Variants in TBC1D30 observed in about 807,000 individuals in gnomAD.
The protein encoded by TBC1D30 is TBC1 domain family member 30.
TBC1D30 carries 31 observed loss-of-function variants against 63.2 expected under a neutral mutation model. The ratio of observed to expected loss-of-function variants is 0.49; its 90% CI spans 0.37 to 0.66. TBC1D30 has a LOEUF of 0.66. Ranked by LOEUF, TBC1D30 falls within the 30% of genes least tolerant of loss-of-function variation. The pLI is 0.00. For synonymous variants in TBC1D30, 307 were observed against 361.5 expected (o/e 0.85, Z 1.71); for missense variants, 810 against 953.6 (o/e 0.85, Z 1.98).
chr12:64,826,796 A>G (rs1376163544), intron 1 of TBC1D30, among the ~76,000 whole-genome samples: 1 of 152,170 alleles, frequency 6.6e-6, no homozygotes, highest in Non-Finnish European at 1.5e-5. Flanking sequence ...TTGGAAACCT[A>G]GGACCCAACT....
At chr12:64,799,322 G>A (rs1254168833) in intron 2 of TBC1D30, among the ~76,000 whole-genome samples, 1 of 152,088 alleles carries the variant, frequency 6.6e-6, no homozygotes, top group African/African-American at 2.4e-5. Context: ...TGGGAATGAT[G>A]GTACTTTCAC....
At chr12:64,798,376 A>G (rs951466977) in intron 2 of TBC1D30, among the ~76,000 whole-genome samples, 1 of 152,204 alleles carries the variant, frequency 6.6e-6, no homozygotes, top group African/African-American at 2.4e-5. Context: ...TTCCAATATA[A>G]TCAGCTAACA....
chr12:64,879,486 C>T lies in TBC1D30; in HGVS notation c.*3698C>T, dbSNP rs1005204304. 6.6e-6 allele frequency: 1 copy of T among 152,158 alleles called. No individual in the cohort carries two copies. Among genetic ancestry groups the T allele is most frequent in the African/African-American group, 2.4e-5 (1 of 41,428 alleles). 9.4% of individuals were successfully genotyped at this position (152,158 alleles called of 1,614,324 possible). On this transcript the variant is annotated 3_prime_UTR_variant, in exon 12 of 12. Transcript: ENST00000539867. ...TAAGATACATATATCTCCAAATTGC[C>T]ATTCTTAAAGGTTGGAGTTATACAA...
intron 1 of TBC1D30, among the ~76,000 whole-genome samples, chr12:64,772,679 C>T (rs746249287): frequency 2.0e-5 from 3 of 152,072 alleles, no homozygotes; most frequent in Admixed American, 6.5e-5. Flanking sequence ...CCACCTGCCT[C>T]GGCCTCCTAA....
chr12:64,840,420 T>C (rs949919050), intron 7 of TBC1D30, among the ~76,000 whole-genome samples: 1 of 152,246 alleles, frequency 6.6e-6, no homozygotes, highest in Non-Finnish European at 1.5e-5. Flanking sequence ...ATCCTGGTTT[T>C]ACTCCTCTCT....
In TBC1D30 at chr12:64,832,181, G is replaced by A. The variant is rs1206437532; in HGVS notation, c.471G>A (p.Val157=). 1 of 1,536,162 alleles carries A rather than the reference G, an allele frequency of 6.5e-7. No individual in the cohort carries two copies. The highest frequency in any genetic ancestry group is 1.2e-5 in the South Asian group (1 of 84,066). Residue 157 remains valine, a synonymous_variant, in exon 5 of 12, where the codon GTG becomes GTA. Coordinates refer to ENST00000539867, the MANE Select transcript of TBC1D30 (RefSeq NM_015279.2). ...AGGAGGCTGAGCAGGACAGGGTTGT[G>A]TTGAAGCGGGTGCTGCTGGCCTATG... ...CGQEAEQDRV[V]LKRVLLAYAR... is the part of the protein sequence containing the mutation.
chr12:64,788,466 G>C (rs1486181606), intron 2 of TBC1D30, among the ~76,000 whole-genome samples: 1 of 152,166 alleles, frequency 6.6e-6, no homozygotes, highest in Non-Finnish European at 1.5e-5. Context: ...GAAAGTATAA[G>C]GGAGGGTGGA....
chr12:64,877,442 T>A lies in TBC1D30; in HGVS notation c.*1654T>A, dbSNP rs1210925868. ...TAGAGAATGTGGTTGTGTGGGCTTT[T>A]TTTGAACAGAAAACACAACAATGAC... On this transcript the variant is annotated 3_prime_UTR_variant, in exon 12 of 12. Coordinates refer to ENST00000539867, the MANE Select transcript of TBC1D30 (RefSeq NM_015279.2). 1 of 152,660 alleles carries A rather than the reference T, an allele frequency of 6.6e-6. No homozygotes were observed. Among genetic ancestry groups the A allele is most frequent in the Non-Finnish European group, 1.5e-5 (1 of 68,374 alleles). The allele number at this position is 152,660 out of a possible 1,614,324, so 9.5% of individuals were successfully genotyped here.
Position 64,878,795 on chromosome 12 carries a change from CA to C in TBC1D30, c.*3008del, listed in dbSNP as rs982435811. 4.3e-5 allele frequency: 12 copies of C among 279,294 alleles called. No individual in the cohort carries two copies. In the Admixed American group the frequency reaches 4.9e-4, roughly 12 times the overall value. 17.3% of individuals were successfully genotyped at this position (279,294 alleles called of 1,614,324 possible). A position where few individuals can be genotyped will look rare whatever the true frequency, so the allele number is the denominator to read the frequency against. ...CTCCCCCAGTCTAATCGCTGGGTTG[CA>C]GGGTGGCCTGTGACCTGCCCAGCAT... On this transcript the variant is annotated 3_prime_UTR_variant, in exon 12 of 12. Coordinates refer to ENST00000539867, the MANE Select transcript of TBC1D30 (RefSeq NM_015279.2).
rs774426151 is a variant in TBC1D30 at position 64,825,010 on chromosome 12, G to A, written c.131G>A (p.Arg44Gln). 27 of 1,533,634 alleles carry A rather than the reference G, an allele frequency of 1.8e-5. No individual in the cohort carries two copies. The highest frequency in any genetic ancestry group is 2.0e-5 in the Non-Finnish European group (23 of 1,146,324). The part of the protein sequence containing the change: ...KRSCISRTAP[R>Q]LLCTLEPGVD... ...AGCTGCATTTCCCGGACCGCGCCCC[G>A]GCTGCTGTGCACCCTGGAGCCGGGT... The change falls in exon 1 of 12, where the codon CGG (arginine) becomes CAG (glutamine). Residue 44 changes from arginine to glutamine, a missense_variant. This residue lies in a region of TBC1D30 where 272 missense variants were observed against 335.9 expected (regional missense o/e 0.81). Coordinates refer to ENST00000539867, the MANE Select transcript of TBC1D30 (RefSeq NM_015279.2).
At chr12:64,781,029 G>T in exon 1 of TBC1D30, 2 of 1,027,076 alleles carry the variant, frequency 1.9e-6, no homozygotes, top group South Asian at 3.0e-5. Context: ...TGCGGCGGCC[G>T]CACAAGCCGC....
intron 5 of TBC1D30, 127 bp downstream of exon 5, chr12:64,832,431 G>GATA: frequency 1.1e-6 from 1 of 923,830 alleles, no homozygotes; most frequent in East Asian, 2.7e-5. Context: ...AATGACCTAT[G>GATA]ATAGCATTTC....
intron 2 of TBC1D30, among the ~76,000 whole-genome samples, chr12:64,814,438 G>A (rs1371393929): frequency 6.6e-6 from 1 of 152,126 alleles, no homozygotes; most frequent in Non-Finnish European, 1.5e-5. Flanking sequence ...AAATTTACTG[G>A]GAGCCTAGTT....
chr12:64,833,302 G>A (rs1204623260), intron 5 of TBC1D30, among the ~76,000 whole-genome samples: 1 of 152,132 alleles, frequency 6.6e-6, no homozygotes, highest in African/African-American at 2.4e-5. Context: ...AAAACATGTT[G>A]AGATGGGGCA....
In TBC1D30 at chr12:64,770,911, A is replaced by G. The variant is rs1358816623; in HGVS notation, c.-376+11262A>G. Among the ~76,000 whole-genome samples the G allele has an allele frequency of 2.7e-5, 4 of 148,680 alleles. No individual in the cohort carries two copies. The Admixed American group carries it at 2.7e-4, about 10-fold the overall frequency. ...TGTATTTTAGTGGAGATGGGGTTTC[A>G]TCATGTTGGCCAAGATGGTCTCAAT... On this transcript the variant is annotated intron_variant, in intron 1 of 13. Transcript: ENST00000674237.
intron 1 of TBC1D30, among the ~76,000 whole-genome samples, chr12:64,767,788 C>CGGGGGGGG (rs59418018): frequency 3.3e-5 from 2 of 60,194 alleles, no homozygotes; most frequent in Non-Finnish European, 3.4e-5. Flanking sequence ...CATGCTCCGG[C>CGGGGGGGG]GGGGGGGGGG....
upstream of TBC1D30, among the ~76,000 whole-genome samples, chr12:64,823,526 A>G (rs1192449241): frequency 1.3e-5 from 2 of 152,170 alleles, no homozygotes; most frequent in Admixed American, 6.5e-5. Flanking sequence ...CAGGGGTGCA[A>G]TCATAGCTCA....
intron 6 of TBC1D30, among the ~76,000 whole-genome samples, 195 bp downstream of exon 6, chr12:64,836,853 C>A (rs1477533230): frequency 6.6e-6 from 1 of 151,964 alleles, no homozygotes; most frequent in Non-Finnish European, 1.5e-5. Context: ...TCTAACTGGT[C>A]ATAATTAGGA....
intron 8 of TBC1D30, among the ~76,000 whole-genome samples, chr12:64,851,408 T>C (rs1037415267): frequency 2.0e-5 from 3 of 152,216 alleles, no homozygotes; most frequent in East Asian, 3.8e-4. Context: ...CCCTTTATTT[T>C]GAGCCTATGT....
Sources: gnomAD v4.1 joint callset for allele counts (sites outside exome capture counted in the v4.1 genomes callset) on GRCh38, gnomAD v4.1.1 for gene constraint, gnomAD v4.1.1 regional missense constraint, MANE v1.5 for transcripts, NCBI Gene and HGNC (gene_info 2026-07-23, HGNC 2026-07-21) for gene names.